The following ZZEF1 variants were observed in gnomAD, a reference collection of about 807,000 sequenced individuals.
The protein encoded by ZZEF1 is zinc finger ZZ-type and EF-hand domain-containing protein 1.
A neutral mutation model predicts 342.8 loss-of-function variants in ZZEF1; 157 were observed. That is an observed-to-expected ratio of 0.46 (90% CI 0.40 to 0.52). ZZEF1 has a LOEUF of 0.52. Among genes scored for constraint, ZZEF1 ranks in the 20% least tolerant of loss-of-function variants. The pLI, the probability that ZZEF1 is intolerant of heterozygous loss-of-function variation, is 0.00. For missense variants in ZZEF1, 3,480 were observed against 3,725.6 expected, an observed-to-expected ratio of 0.93 and a Z score of 1.72; for synonymous variants, 1,505 against 1,429.1, an observed-to-expected ratio of 1.05 and a Z score of -1.20.
intron 2 of ZZEF1, among the ~76,000 whole-genome samples, chr17:4,121,870 A>C (rs2058488833): frequency 6.6e-6 from 1 of 151,826 alleles, no homozygotes; most frequent in African/African-American, 2.4e-5. Flanking sequence ...CCAATGGTGC[A>C]CACAACCATG....
At chr17:4,095,314 G>A (rs1269055745) in intron 11 of ZZEF1, among the ~76,000 whole-genome samples, 2 of 152,154 alleles carry the variant, frequency 1.3e-5, no homozygotes, top group South Asian at 2.1e-4. Flanking sequence ...TCCCCACAGC[G>A]CCCTTTCTCC....
At chr17:4,126,224 TCAA>T (rs1402272957) in intron 1 of ZZEF1, among the ~76,000 whole-genome samples, 4 of 42,162 alleles carry the variant, frequency 9.5e-5, no homozygotes, top group African/African-American at 1.3e-4. Flanking sequence ...AGACTCCGTC[TCAA>T]AAAAAAAAAA....
chr17:4,035,711 C>T (rs1044440821), intron 39 of ZZEF1, among the ~76,000 whole-genome samples: 2 of 152,202 alleles, frequency 1.3e-5, no homozygotes, highest in African/African-American at 2.4e-5. Context: ...AGAGTCCAAA[C>T]AGCATAAGGA....
In ZZEF1 at chr17:4,142,847, C is replaced by G; in HGVS notation, c.49G>C (p.Gly17Arg). 1 of 1,395,126 alleles carries G rather than the reference C, an allele frequency of 7.2e-7. No homozygotes were observed. Among genetic ancestry groups the G allele is most frequent in the South Asian group, 1.6e-5 (1 of 60,956 alleles). 86.4% of individuals were successfully genotyped at this position (1,395,126 alleles called of 1,614,324 possible). A position where few individuals can be genotyped will look rare whatever the true frequency, so the allele number is the denominator to read the frequency against. ...TGGTGTGGGCCCCAGCCCTCGCCAC[C>G]GGCAGCTGCCGCTTCGTCTTCACTG... ...HSSEDEAAAAGGEGWGPHQDW... is the reference protein window; with the variant it reads ...HSSEDEAAAARGEGWGPHQDW... Residue 17 changes from glycine (G) to arginine (R), a missense_variant, in exon 1 of 55, where the codon GGT becomes CGT. Transcript: ENST00000381638.
intron 16 of ZZEF1, among the ~76,000 whole-genome samples, chr17:4,083,628 C>CTTT (rs34059501): frequency 1.8e-5 from 1 of 55,648 alleles, no homozygotes; most frequent in African/African-American, 8.7e-5. Context: ...ACATTTTATG[C>CTTT]TTTTGTTCCT....
rs756072923 is a variant in ZZEF1, at chr17:4,017,546, C to T, written c.7826G>A (p.Arg2609Gln). The T allele has an allele frequency of 1.9e-5, 30 of 1,614,128 alleles. No individual in the cohort carries two copies. Among genetic ancestry groups the T allele is most frequent in the Admixed American group, 1.7e-4 (10 of 60,012 alleles). The change falls in exon 48 of 55, where the codon CGA becomes CAA. Residue 2609 changes from arginine to glutamine, a missense_variant. This residue lies in a region of ZZEF1 where 1,269 missense variants were observed against 1,342.4 expected (regional missense o/e 0.95). Coordinates refer to ENST00000381638, the MANE Select transcript of ZZEF1 (RefSeq NM_015113.4). The surrounding 1 kb of genome is among the most constrained non-coding windows in gnomAD (Gnocchi z 5.1). The stretch of plus-strand genomic sequence containing the variant: ...CAGGACAGCTGTGGCCTCGTTCACT[C>T]GGAAGAGGTAGTCCCGGACAGCCCT... The part of the protein sequence containing the change: ...SKRAVRDYLF[R>Q]VNEATAVLYA...
chr17:4,060,910 CCT>C lies in ZZEF1; in HGVS notation c.4884-1622_4884-1621del, dbSNP rs536474805. 3.5e-3 allele frequency among the ~76,000 whole-genome samples: 534 copies of C among 152,236 alleles called. 3 individuals are homozygous for C. Among genetic ancestry groups the C allele is most frequent in the Non-Finnish European group, 4.6e-3 (315 of 68,014 alleles). ...ATACAACTGCTACTGCAAATTATCC[CCT>C]CTCTTCCTGCACCAAGTTTCCTTAT... On this transcript the variant is annotated intron_variant, in intron 30 of 54. Transcript: ENST00000381638.
rs762002324 is a variant in ZZEF1 at position 4,051,092 on chromosome 17, G to A, written c.5601-49C>T. ...AGCTTACAACCCTCCAAAAGCTTTT[G>A]TGGCTCCAAACAGGAGCACAGGGCC... On this transcript the variant is annotated intron_variant, in intron 35 of 54. Transcript: ENST00000381638. The A allele has an allele frequency of 3.7e-6, 6 of 1,613,444 alleles. No homozygotes were observed. The African/African-American group carries it at 5.3e-5, about 14-fold the overall frequency.
chr17:4,020,732 T>A (rs1393314906), intron 45 of ZZEF1, among the ~76,000 whole-genome samples: 1 of 152,238 alleles, frequency 6.6e-6, no homozygotes, highest in African/African-American at 2.4e-5. Context: ...TTCATATTGT[T>A]CTGAGGAAGA....
chr17:4,068,225 T>G (rs1567811516), intron 26 of ZZEF1, among the ~76,000 whole-genome samples: 1 of 152,206 alleles, frequency 6.6e-6, no homozygotes, highest in Non-Finnish European at 1.5e-5. Context: ...GATAATTATT[T>G]TAAGCTTTTC....
In ZZEF1 at chr17:4,032,201, C is replaced by T; in HGVS notation, c.6817G>A (p.Val2273Met). Residue 2273 changes from valine to methionine, a missense_variant, in exon 42 of 55, where the codon GTG (valine) becomes ATG (methionine). Transcript: ENST00000381638. ...YMDNANEPHN[V>M]IILKHFTEKN... ...TCAGTAAAGTGCTTCAAGATGATCA[C>T]ATTATGGGGTTCATTGGCATTATCC... is the stretch of plus-strand genomic sequence containing the variant. The T allele has an allele frequency of 6.2e-7, 1 of 1,614,116 alleles. No individual in the cohort carries two copies. The highest frequency in any genetic ancestry group is 2.2e-5 in the East Asian group (1 of 44,888).
chr17:4,068,711 G>T (rs1312332429), intron 26 of ZZEF1, among the ~76,000 whole-genome samples: 3 of 151,854 alleles, frequency 2.0e-5, no homozygotes, highest in Non-Finnish European at 4.4e-5. Flanking sequence ...AATGCAGTAA[G>T]TAATTCCTGA....
chr17:4,047,705 G>A (rs2056951475), intron 37 of ZZEF1, among the ~76,000 whole-genome samples: 1 of 150,706 alleles, frequency 6.6e-6, no homozygotes, highest in African/African-American at 2.4e-5. Flanking sequence ...CACTTTGGGA[G>A]GCCGAGGCAG....
intron 40 of ZZEF1, 108 bp downstream of exon 40, chr17:4,033,907 C>G (rs2056603804): frequency 2.8e-6 from 4 of 1,431,214 alleles, no homozygotes; most frequent in Non-Finnish European, 3.8e-6. Flanking sequence ...TCAGACAACA[C>G]AACTGTAGCA....
At chr17:4,043,943 C>T (rs1285035855) in intron 38 of ZZEF1, among the ~76,000 whole-genome samples, 3 of 152,226 alleles carry the variant, frequency 2.0e-5, no homozygotes, top group Non-Finnish European at 2.9e-5. Context: ...AACCACATGT[C>T]TATCTGTCTG....
At position 4,142,855 on chromosome 17, in the gene ZZEF1, G is replaced by C; in HGVS notation, c.41C>G (p.Ala14Gly). 1 of 1,394,626 alleles carries C rather than the reference G, an allele frequency of 7.2e-7. No individual in the cohort carries two copies. The highest frequency in any genetic ancestry group is 9.2e-7 in the Non-Finnish European group (1 of 1,083,416). The allele number at this position is 1,394,626 out of a possible 1,614,324, so 86.4% of individuals were successfully genotyped here. ...GCCCCAGCCCTCGCCACCGGCAGCT[G>C]CCGCTTCGTCTTCACTGCTGTGACT... ...APSHSSEDEA[A>G]AAGGEGWGPH... is the part of the protein sequence containing the mutation. The change falls in exon 1 of 55, where the codon GCA becomes GGA. Residue 14 changes from alanine (A) to glycine (G), a missense_variant. This residue lies in a region of ZZEF1 where 416 missense variants were observed against 374.2 expected (regional missense o/e 1.11). Transcript: ENST00000381638.
At chr17:4,087,075 T>C (rs2057845938) in intron 14 of ZZEF1, among the ~76,000 whole-genome samples, 2 of 152,050 alleles carry the variant, frequency 1.3e-5, no homozygotes, top group South Asian at 4.2e-4. Context: ...AGAGACGGGG[T>C]TTCACCATAT....
chr17:4,091,860 T>C (rs2057948951), intron 11 of ZZEF1, among the ~76,000 whole-genome samples: 1 of 151,402 alleles, frequency 6.6e-6, no homozygotes. Context: ...GCAGAGCACC[T>C]GAGGTCAGGA....
chr17:4,102,216 G>T, intron 9 of ZZEF1, 101 bp downstream of exon 9: 1 of 1,029,754 alleles, frequency 9.7e-7, no homozygotes, highest in Non-Finnish European at 1.5e-6. Flanking sequence ...ACCTAAAATT[G>T]AAGACTGCAC....
Sources: gnomAD v4.1 joint callset for allele counts (sites outside exome capture counted in the v4.1 genomes callset) on GRCh38, gnomAD v4.1.1 for gene constraint, gnomAD v4.1.1 regional missense constraint, Gnocchi (gnomAD v3.1) non-coding constraint, MANE v1.5 for transcripts, NCBI Gene and HGNC (gene_info 2026-07-23, HGNC 2026-07-21) for gene names.